MSH3: variants seen among roughly 807,000 people sequenced by gnomAD.
The protein encoded by MSH3 is DNA mismatch repair protein Msh3.
A neutral mutation model predicts 123.3 loss-of-function variants in MSH3; 106 were observed. The ratio of observed to expected loss-of-function variants is 0.86; its 90% CI spans 0.73 to 1.01. The LOEUF is 1.01. Ranked by LOEUF, MSH3 falls within the 50% of genes least tolerant of loss-of-function variation. The pLI is 0.00. For synonymous variants in MSH3, 515 were observed against 481.4 expected (o/e 1.07, Z -0.91); for missense variants, 1,459 against 1,347.6 (o/e 1.08, Z -1.29).
intron 22 of MSH3, among the ~76,000 whole-genome samples, chr5:80,869,582 G>A (rs1353441234): frequency 2.6e-5 from 4 of 151,902 alleles, no homozygotes; most frequent in African/African-American, 9.7e-5. Context: ...TCTTTACCTT[G>A]AAGATATGAG....
chr5:80,806,807 G>A (rs1171153032), intron 19 of MSH3, among the ~76,000 whole-genome samples: 4 of 152,144 alleles, frequency 2.6e-5, no homozygotes, highest in Non-Finnish European at 5.9e-5. Flanking sequence ...TCAATTTGGG[G>A]AGGAGTTGAC....
intron 18 of MSH3, among the ~76,000 whole-genome samples, chr5:80,789,173 A>G (rs184478957): frequency 6.6e-6 from 1 of 152,306 alleles, no homozygotes; most frequent in African/African-American, 2.4e-5. Flanking sequence ...CAGAGCACCT[A>G]GGATTTTATT....
chr5:80,789,312 A>G (rs916839625), intron 18 of MSH3, among the ~76,000 whole-genome samples: 1 of 151,970 alleles, frequency 6.6e-6, no homozygotes, highest in African/African-American at 2.4e-5. Flanking sequence ...CATAATTTTA[A>G]GTGTCTCTCT....
chr5:80,762,337 C>T (rs1744049151), intron 13 of MSH3, among the ~76,000 whole-genome samples: 2 of 151,938 alleles, frequency 1.3e-5, no homozygotes, highest in South Asian at 4.2e-4. Context: ...ACCTTATACT[C>T]TTTGTTCCTT....
chr5:80,794,894 C>T (rs551861427), intron 19 of MSH3, among the ~76,000 whole-genome samples: 1 of 152,292 alleles, frequency 6.6e-6, no homozygotes, highest in East Asian at 1.9e-4. Context: ...CCCTGAGGTA[C>T]ATGGTCCATG....
chr5:80,759,648 G>A (rs567842020), intron 12 of MSH3, among the ~76,000 whole-genome samples: 18 of 152,278 alleles, frequency 1.2e-4, no homozygotes, highest in African/African-American at 4.1e-4. Flanking sequence ...TAAAGCAGAG[G>A]TGTGACATGA....
In MSH3 at chr5:80,670,220, C is replaced by T. The variant is rs371356175; in HGVS notation, c.703C>T (p.Gln235Ter). 9 of 1,614,078 alleles carry T rather than the reference C, an allele frequency of 5.6e-6. No individual in the cohort carries two copies. The highest frequency in any genetic ancestry group is 7.6e-6 in the Non-Finnish European group (9 of 1,180,008). Residue 235 changes from glutamine (Q) to a stop codon, truncating the protein, a stop_gained, in exon 4 of 24, where the codon CAA (glutamine) becomes TAA (stop). Coordinates refer to ENST00000265081, the MANE Select transcript of MSH3 (RefSeq NM_002439.5). LOFTEE classifies it high-confidence loss of function. Reference protein sequence around the residue: ...SKSIYTPLELQYIEMKQQHKD... With the variant: ...SKSIYTPLEL ...AAGCATCTATACGCCGCTAGAATTACAATACATAGAAATGAAGCAGCAGCA... is the reference window on the plus strand; with the variant it reads ...AAGCATCTATACGCCGCTAGAATTATAATACATAGAAATGAAGCAGCAGCA...
chr5:80,842,500 G>C (rs1445643740), intron 20 of MSH3, among the ~76,000 whole-genome samples: 3 of 152,152 alleles, frequency 2.0e-5, no homozygotes, highest in Non-Finnish European at 4.4e-5. Flanking sequence ...ACCTTGGGCA[G>C]TATGGCCATT....
At chr5:80,738,673 G>A (rs991021353) in intron 10 of MSH3, among the ~76,000 whole-genome samples, 1 of 152,128 alleles carries the variant, frequency 6.6e-6, no homozygotes, top group Non-Finnish European at 1.5e-5. Context: ...AGAAGATAAA[G>A]GCAGTGAGCT....
intron 8 of MSH3, among the ~76,000 whole-genome samples, chr5:80,724,058 G>A (rs1392236418): frequency 6.6e-6 from 1 of 152,168 alleles, no homozygotes; most frequent in Non-Finnish European, 1.5e-5. Context: ...TGCCCGGCCA[G>A]CGTTTCCTTC....
At chr5:80,850,783 A>G (rs1047430319) in intron 20 of MSH3, among the ~76,000 whole-genome samples, 1 of 152,126 alleles carries the variant, frequency 6.6e-6, no homozygotes, top group Non-Finnish European at 1.5e-5. Context: ...CACTTCCTCT[A>G]TGGTACTTGT....
chr5:80,761,443 G>A (rs572182594), intron 12 of MSH3, 103 bp from the exon 13 acceptor site: 92 of 1,395,108 alleles, frequency 6.6e-5, no homozygotes, highest in Middle Eastern at 3.5e-4. Context: ...TTTCCTTTGT[G>A]CCTAATAAGT....
At chr5:80,729,313 G>T (rs1294394736) in intron 10 of MSH3, among the ~76,000 whole-genome samples, 1 of 151,116 alleles carries the variant, frequency 6.6e-6, no homozygotes, top group African/African-American at 2.4e-5. Flanking sequence ...TACTAGGGAG[G>T]CTGAGACAGG....
intron 8 of MSH3, 137 bp from the exon 9 acceptor site, chr5:80,725,316 C>T (rs1743262488): frequency 6.5e-6 from 4 of 611,042 alleles, no homozygotes; most frequent in South Asian, 5.9e-5. Context: ...CTCTTTCTTT[C>T]TCTCTCTTTC....
At chr5:80,760,104 A>G (rs995894715) in intron 12 of MSH3, among the ~76,000 whole-genome samples, 1 of 152,204 alleles carries the variant, frequency 6.6e-6, no homozygotes, top group African/African-American at 2.4e-5. Context: ...TTTTCATATC[A>G]GTGTGTATGA....
At chr5:80,719,569 G>T (rs1751038225) in intron 8 of MSH3, among the ~76,000 whole-genome samples, 1 of 152,032 alleles carries the variant, frequency 6.6e-6, no homozygotes, top group Non-Finnish European at 1.5e-5. Flanking sequence ...CAAATATCAG[G>T]TATTTAATTT....
intron 20 of MSH3, among the ~76,000 whole-genome samples, chr5:80,823,488 A>G (rs575209702): frequency 4.7e-4 from 72 of 152,322 alleles, no homozygotes; most frequent in Admixed American, 1.3e-3. Flanking sequence ...TTCCCAGACT[A>G]TAAGTAACCC....
rs528737488 is a variant in MSH3, at chr5:80,736,395, G to A, written c.1569-5069G>A. On this transcript the variant is annotated intron_variant, in intron 10 of 23. Coordinates refer to ENST00000265081, the MANE Select transcript of MSH3 (RefSeq NM_002439.5). The stretch of plus-strand genomic sequence containing the variant: ...TAAAGAAAAAGATCAATTTAGGACT[G>A]AAGCGTAAACTTGAAAGAACATAAT... Among the ~76,000 whole-genome samples, 12 of 152,240 alleles carry A rather than the reference G, an allele frequency of 7.9e-5. No homozygotes were observed. The South Asian group carries it at 2.5e-3, about 32-fold the overall frequency.
chr5:80,841,863 C>A (rs1173801784), intron 20 of MSH3, among the ~76,000 whole-genome samples: 4 of 152,172 alleles, frequency 2.6e-5, no homozygotes, highest in East Asian at 3.8e-4. Flanking sequence ...GTTGCCTGTT[C>A]ACTCTGATGA....
Sources: gnomAD v4.1 joint callset for allele counts (sites outside exome capture counted in the v4.1 genomes callset) on GRCh38, gnomAD v4.1.1 for gene constraint, MANE v1.5 for transcripts, NCBI Gene and HGNC (gene_info 2026-07-23, HGNC 2026-07-21) for gene names.